LMBRD2: variants seen among roughly 807,000 people sequenced by gnomAD.
LMBRD2 encodes G protein-coupled receptor-associated protein LMBRD2.
In LMBRD2, 55 loss-of-function variants were observed where a neutral mutation model predicts 94.4. The ratio of observed to expected loss-of-function variants is 0.58; its 90% CI spans 0.47 to 0.73. The LOEUF is 0.73. Among genes scored for constraint, LMBRD2 ranks in the 30% least tolerant of loss-of-function variants. The pLI, the probability that LMBRD2 is intolerant of heterozygous loss-of-function variation, is 0.00. For synonymous variants in LMBRD2, 246 were observed against 272.4 expected (o/e 0.90, Z 0.95); for missense variants, 640 against 831.9 (o/e 0.77, Z 2.84).
chr5:36,138,518 G>C (rs925647429), intron 4 of LMBRD2, among the ~76,000 whole-genome samples: 1 of 152,156 alleles, frequency 6.6e-6, no homozygotes, highest in Admixed American at 6.6e-5. Flanking sequence ...CTATGGTGAC[G>C]GAAGTCAGAA....
At chr5:36,108,503 T>A (rs1312902887) in intron 16 of LMBRD2, 31 bp downstream of exon 16, 6 of 1,189,706 alleles carry the variant, frequency 5.0e-6, no homozygotes, top group Admixed American at 1.9e-5. Context: ...AGAAAACAAT[T>A]TCCAAGTGAA....
rs1406077523 is a variant in LMBRD2, at chr5:36,124,835, G to A, written c.748-570C>T. 5.9e-5 allele frequency among the ~76,000 whole-genome samples: 9 copies of A among 152,086 alleles called. 1 individual carries two copies. The highest frequency in any genetic ancestry group is 3.3e-4 in the Admixed American group (5 of 15,274). On this transcript the variant is annotated intron_variant, in intron 6 of 17. Transcript: ENST00000296603. ...AGGCTGAGACAGGTGGATCACTTGA[G>A]TCCCAGAGTTTAAGACCAGTTTTGG...
At chr5:36,150,155 T>C (rs766235356) in intron 1 of LMBRD2, among the ~76,000 whole-genome samples, 1 of 152,200 alleles carries the variant, frequency 6.6e-6, no homozygotes, top group Non-Finnish European at 1.5e-5. Flanking sequence ...AGTATGTCTG[T>C]TACCGGGGCA....
intron 1 of LMBRD2, among the ~76,000 whole-genome samples, chr5:36,146,802 A>C (rs562691846): frequency 7.0e-4 from 106 of 152,146 alleles, no homozygotes; most frequent in Non-Finnish European, 1.4e-3. Context: ...TATGTTTTTA[A>C]ATTGTATATA....
At chr5:36,118,823 T>C (rs1204270104) in intron 9 of LMBRD2, among the ~76,000 whole-genome samples, 1 of 151,914 alleles carries the variant, frequency 6.6e-6, no homozygotes, top group Non-Finnish European at 1.5e-5. Flanking sequence ...TCTAATTTTC[T>C]GTATTTTTAT....
At chr5:36,134,489 G>T (rs1428146955) in intron 6 of LMBRD2, among the ~76,000 whole-genome samples, 1 of 152,074 alleles carries the variant, frequency 6.6e-6, no homozygotes, top group African/African-American at 2.4e-5. Flanking sequence ...AATTAGCTAA[G>T]TTAAGATGAG....
intron 14 of LMBRD2, 89 bp from the exon 15 acceptor site, chr5:36,110,080 G>C: frequency 1.0e-6 from 1 of 955,974 alleles, no homozygotes; most frequent in Non-Finnish European, 1.6e-6. Context: ...GCAATGACCA[G>C]TATTTCTTTT....
chr5:36,122,205 T>C, intron 9 of LMBRD2, 75 bp downstream of exon 9: 2 of 1,037,356 alleles, frequency 1.9e-6, no homozygotes, highest in Non-Finnish European at 2.8e-6. Flanking sequence ...AACTTTGCAT[T>C]GGTGAAAATA....
At chr5:36,143,537 A>C (rs1457079069) in intron 1 of LMBRD2, 131 bp from the exon 2 acceptor site, 1 of 417,422 alleles carries the variant, frequency 2.4e-6, no homozygotes, top group Middle Eastern at 6.0e-4. Context: ...TTCACATTGG[A>C]CTATGAATAA....
chr5:36,131,684 T>A (rs568071270), intron 6 of LMBRD2, among the ~76,000 whole-genome samples: 14 of 152,176 alleles, frequency 9.2e-5, no homozygotes, highest in Admixed American at 7.9e-4. Flanking sequence ...TTTCTATATG[T>A]CAACCGTGAA....
chr5:36,142,094 T>C (rs549076602), intron 3 of LMBRD2, among the ~76,000 whole-genome samples: 11 of 152,332 alleles, frequency 7.2e-5, no homozygotes, highest in African/African-American at 2.6e-4. Flanking sequence ...ATGTGCAATA[T>C]GAAAGGAATA....
At position 36,117,752 on chromosome 5, in the gene LMBRD2, T is replaced by A; in HGVS notation, c.1285A>T (p.Asn429Tyr). Residue 429 changes from asparagine (N) to tyrosine (Y), a missense_variant, in exon 10 of 18, where the codon AAT (asparagine) becomes TAT (tyrosine). Asn to Tyr is a moderately radical substitution (Grantham distance 143). Coordinates refer to ENST00000296603, the MANE Select transcript of LMBRD2 (RefSeq NM_001007527.2). ...VFIQLAEKTY[N>Y]YIYIEIACFL... ...AAACTGACCTCGATATAAATATAAT[T>A]ATATGTTTTTTCTGCCAGCTGTATG... is the stretch of plus-strand genomic sequence containing the variant. 1 of 1,605,546 alleles carries A rather than the reference T, an allele frequency of 6.2e-7. No homozygotes were observed. The highest frequency in any genetic ancestry group is 8.5e-7 in the Non-Finnish European group (1 of 1,176,114).
rs756114795 is a variant in LMBRD2, at chr5:36,145,738, C to CA, written c.-57-2333dup. Among the ~76,000 whole-genome samples the CA allele has an allele frequency of 1.0e-3, 155 of 151,232 alleles. 1 individual carries two copies. The East Asian group carries it at 0.026, about 25-fold the overall frequency. ...CAGTGCAAGGAATATGACAATCATA[C>CA]AAAAAAAAGACTAAATATTAGAGAT... On this transcript the variant is annotated intron_variant, in intron 1 of 17. Coordinates refer to ENST00000296603, the MANE Select transcript of LMBRD2 (RefSeq NM_001007527.2).
At chr5:36,146,444 C>A (rs1744540094) in intron 1 of LMBRD2, among the ~76,000 whole-genome samples, 1 of 152,160 alleles carries the variant, frequency 6.6e-6, no homozygotes, top group East Asian at 1.9e-4. Flanking sequence ...GATCATGGCT[C>A]AACATAACCT....
At chr5:36,121,698 A>G (rs1743890287) in intron 9 of LMBRD2, among the ~76,000 whole-genome samples, 1 of 150,344 alleles carries the variant, frequency 6.7e-6, no homozygotes, top group South Asian at 2.1e-4. Flanking sequence ...TGTGTCACAT[A>G]ACAACATTCC....
At chr5:36,137,911 A>T (rs1019700998) in intron 4 of LMBRD2, among the ~76,000 whole-genome samples, 1 of 152,222 alleles carries the variant, frequency 6.6e-6, no homozygotes, top group African/African-American at 2.4e-5. Context: ...CGGACTAAAA[A>T]TATGGATAGC....
chr5:36,124,048 C>A, intron 7 of LMBRD2, 143 bp downstream of exon 7: 1 of 470,652 alleles, frequency 2.1e-6, no homozygotes, highest in Non-Finnish European at 3.8e-6. Flanking sequence ...ATTCAAAGTA[C>A]AAATGGTGTT....
intron 10 of LMBRD2, among the ~76,000 whole-genome samples, chr5:36,116,875 C>G (rs1241510675): frequency 6.6e-6 from 1 of 151,974 alleles, no homozygotes; most frequent in African/African-American, 2.4e-5. Context: ...GGGGTTTCAC[C>G]ATGTTTGCCA....
chr5:36,139,834 G>A (rs926555851), intron 4 of LMBRD2, among the ~76,000 whole-genome samples: 1 of 152,148 alleles, frequency 6.6e-6, no homozygotes, highest in African/African-American at 2.4e-5. Flanking sequence ...CCTGAGAGTT[G>A]TACTATCACT....
Sources: allele counts gnomAD v4.1 joint callset (sites outside exome capture counted in the v4.1 genomes callset), GRCh38; gene constraint gnomAD v4.1.1; transcripts MANE v1.5; gene names NCBI Gene and HGNC (gene_info 2026-07-23, HGNC 2026-07-21).